Variants in MYO1C observed in about 807,000 individuals in gnomAD.
MYO1C encodes myosin IC.
MYO1C carries 104 observed loss-of-function variants against 150.8 expected under a neutral mutation model. That is an observed-to-expected ratio of 0.69 (90% CI 0.59 to 0.81). The LOEUF (loss-of-function observed/expected upper bound fraction) is 0.81. Ranked by LOEUF, MYO1C falls within the 30% of genes least tolerant of loss-of-function variation. The pLI, the probability that MYO1C is intolerant of heterozygous loss-of-function variation, is 0.00. For missense variants in MYO1C, 1,504 were observed against 1,435.0 expected (o/e 1.05, Z -0.78); for synonymous variants, 663 against 579.9 (o/e 1.14, Z -2.06).
At chr17:1,491,477 C>T in intron 1 of MYO1C, 1 of 284,362 alleles carries the variant, frequency 3.5e-6, no homozygotes, top group Non-Finnish European at 5.3e-6. Flanking sequence ...TCCACGCGGC[C>T]GTTCTTCGGC....
intron 19 of MYO1C, among the ~76,000 whole-genome samples, chr17:1,471,547 C>T (rs942860863): frequency 3.9e-5 from 6 of 152,278 alleles, no homozygotes; most frequent in Admixed American, 2.0e-4. Context: ...AGATGAAATT[C>T]AGTTTGACCC....
At chr17:1,485,061 G>T (rs1357855406) in intron 1 of MYO1C, 1 of 1,213,886 alleles carries the variant, frequency 8.2e-7, no homozygotes, top group Non-Finnish European at 1.1e-6. Flanking sequence ...CCAGCTGCTG[G>T]GCTCCCCAGG....
intron 1 of MYO1C, among the ~76,000 whole-genome samples, chr17:1,489,855 A>G (rs938707810): frequency 6.6e-6 from 1 of 151,816 alleles, no homozygotes; most frequent in African/African-American, 2.4e-5. Context: ...CCTGGCCCAC[A>G]TGGTGAAACC....
In MYO1C at chr17:1,479,470, T is replaced by C. The variant is rs1394148666; in HGVS notation, c.1053A>G (p.Glu351=). The change falls in exon 9 of 32, where the codon GAA becomes GAG. Residue 351 remains glutamate, a synonymous_variant. Transcript: ENST00000648651. This position sits in a 1 kb window ranked among gnomAD's most constrained non-coding sequence, Gnocchi z 4.2. ...CGATGATCTTCCTGTGTGTCAGGGC[T>C]TCTCGCAGCGTCGAGCCTTCCACGC... ...LLSVEGSTLR[E]ALTHRKIIAK... is the part of the protein sequence containing the mutation. The C allele has an allele frequency of 6.6e-7, 1 of 1,520,420 alleles. No individual in the cohort carries two copies. Among genetic ancestry groups the C allele is most frequent in the East Asian group, 2.4e-5 (1 of 41,450 alleles). The allele number at this position is 1,520,420 out of a possible 1,614,324, so 94.2% of individuals were successfully genotyped here. A position where few individuals can be genotyped will look rare whatever the true frequency, so the allele number is the denominator to read the frequency against.
At chr17:1,492,189 G>T (rs1598352669) in intron 1 of MYO1C, 1 of 581,432 alleles carries the variant, frequency 1.7e-6, no homozygotes. Context: ...GGGAAGCCGG[G>T]GAAGAGTCAA....
intron 1 of MYO1C, among the ~76,000 whole-genome samples, chr17:1,488,450 C>T (rs1388600120): frequency 6.6e-6 from 1 of 152,238 alleles, no homozygotes; most frequent in Non-Finnish European, 1.5e-5. Flanking sequence ...GAGGCTGCAG[C>T]GCCAGGCGCC....
Position 1,483,667 on chromosome 17 carries a change from C to T in MYO1C, c.290G>A (p.Ser97Asn). 1 of 1,613,340 alleles carries T rather than the reference C, an allele frequency of 6.2e-7. No individual in the cohort carries two copies. The highest frequency in any genetic ancestry group is 1.1e-5 in the South Asian group (1 of 90,886). ...VNPYRDLQIY[S>N]RQHMERYRGV... ...ACGGTAACGCTCCATATGCTGCCGG[C>T]TGTAGATCTGCAGGTCCCGGTAGGG... Residue 97 changes from serine to asparagine, a missense_variant, in exon 3 of 32, where the codon AGC (serine) becomes AAC (asparagine). By Grantham distance (46) the Ser-to-Asn change is conservative. Transcript: ENST00000648651.
Position 1,474,817 on chromosome 17 carries a change from T to C in MYO1C, c.1711A>G (p.Lys571Glu). ...KNNDLLFRNL[K>E]ETMCSSKNPI... is the part of the protein sequence containing the mutation. ...CCTCCCCACGTCCTCCTCACCTCCTTAAGGTTCCGGAAGAGAAGGTCATTG... is the reference window on the plus strand; with the variant it reads ...CCTCCCCACGTCCTCCTCACCTCCTCAAGGTTCCGGAAGAGAAGGTCATTG... Residue 571 changes from lysine to glutamate, a missense_variant, in exon 16 of 32, where the codon AAG becomes GAG. Physicochemically the swap from Lys to Glu is moderately conservative, Grantham distance 56. Transcript: ENST00000648651. The C allele has an allele frequency of 6.2e-7, 1 of 1,601,328 alleles. No individual in the cohort carries two copies. Among genetic ancestry groups the C allele is most frequent in the Non-Finnish European group, 8.6e-7 (1 of 1,169,558 alleles).
chr17:1,488,351 C>T (rs984413598), intron 1 of MYO1C, among the ~76,000 whole-genome samples: 2 of 152,344 alleles, frequency 1.3e-5, no homozygotes, highest in Middle Eastern at 3.4e-3. Context: ...GCACTGGCAA[C>T]CCCCGGCCTG....
Position 1,478,706 on chromosome 17 carries a change from G to C in MYO1C, c.1122C>G (p.Ala374=). 1 of 1,614,146 alleles carries C rather than the reference G, an allele frequency of 6.2e-7. No individual in the cohort carries two copies. The highest frequency in any genetic ancestry group is 8.5e-7 in the Non-Finnish European group (1 of 1,180,040). Residue 374 remains alanine, a synonymous_variant, in exon 10 of 32, where the codon GCC becomes GCG. Transcript: ENST00000648651. The surrounding 1 kb of genome is among the most constrained non-coding windows in gnomAD (Gnocchi z 6.3). ...ELLSPLNLEQ[A]AYARDALAKA... Reference sequence around the variant, plus strand: ...TGGCGAGGGCGTCTCGTGCGTACGCGGCCTGCTCCAGGTTCAGCGGGCTCA... The same window carrying C: ...TGGCGAGGGCGTCTCGTGCGTACGCCGCCTGCTCCAGGTTCAGCGGGCTCA...
chr17:1,470,173 A>G lies in MYO1C; in HGVS notation c.2526+2T>C. 6.2e-7 allele frequency: 1 copy of G among 1,608,246 alleles called. No homozygotes were observed. The highest frequency in any genetic ancestry group is 8.5e-7 in the Non-Finnish European group (1 of 1,177,898). On this transcript the variant is annotated splice_donor_variant, in intron 24 of 31. Transcript: ENST00000648651. LOFTEE classifies it high-confidence loss of function. ...CTAACTTGGCAGGGGGTGCCCACAG[A>G]CCTCACGCAGGGCAGGTGGGGGCGT...
At chr17:1,485,216 T>A (rs1241413524) in intron 1 of MYO1C, 3 of 1,176,050 alleles carry the variant, frequency 2.6e-6, no homozygotes, top group East Asian at 1.3e-4. Flanking sequence ...CTGAGATGGA[T>A]CCCTCTTCAA....
At chr17:1,491,104 C>T (rs1227905138) in intron 1 of MYO1C, 1 of 152,326 alleles carries the variant, frequency 6.6e-6, no homozygotes, top group Non-Finnish European at 1.5e-5. Flanking sequence ...TCAGTCACCC[C>T]TTCCCGGACC....
intron 25 of MYO1C, 168 bp downstream of exon 25, chr17:1,469,363 G>A (rs2074248951): frequency 4.5e-6 from 3 of 673,542 alleles, no homozygotes; most frequent in Non-Finnish European, 8.0e-6. Flanking sequence ...GGTAGACTGG[G>A]GTAAATAGAG....
chr17:1,467,530 C>G lies in MYO1C; in HGVS notation c.3015G>C (p.Lys1005Asn). Residue 1005 changes from lysine to asparagine, a missense_variant, in exon 30 of 32, where the codon AAG becomes AAC. Coordinates refer to ENST00000648651, the MANE Select transcript of MYO1C (RefSeq NM_001080779.2). ...QSDHVIETLT[K>N]TALSANRVNS... The stretch of plus-strand genomic sequence containing the variant: ...TCACGCGGTTGGCACTGAGGGCTGT[C>G]TTGGTCAGCGTCTCAATCACGTGGT... The G allele has an allele frequency of 6.2e-7, 1 of 1,613,680 alleles. No homozygotes were observed. The highest frequency in any genetic ancestry group is 8.5e-7 in the Non-Finnish European group (1 of 1,179,970).
chr17:1,467,034 AGGC>A (rs2074186863), intron 31 of MYO1C, among the ~76,000 whole-genome samples: 4 of 152,176 alleles, frequency 2.6e-5, no homozygotes, highest in African/African-American at 4.8e-5. Context: ...CTGGGATTAT[AGGC>A]ATGAGCCACC....
chr17:1,468,640 C>T, intron 25 of MYO1C, 144 bp from the exon 26 acceptor site: 2 of 675,848 alleles, frequency 3.0e-6, no homozygotes, highest in South Asian at 3.3e-5. Flanking sequence ...TGAGCCCTGC[C>T]CCCCACACGC....
chr17:1,484,908 C>G (rs1403125213), intron 1 of MYO1C: 1 of 393,278 alleles, frequency 2.5e-6, no homozygotes, highest in Non-Finnish European at 5.0e-6. Context: ...ACCGGTAGAG[C>G]GTCGAGCACC....
rs2074608144 is a variant in MYO1C at position 1,484,430 on chromosome 17, G to A, written c.76-127C>T. The A allele has an allele frequency of 5.0e-6, 6 of 1,193,720 alleles. No homozygotes were observed. In the African/African-American group the frequency reaches 6.0e-5, roughly 12 times the overall value. 73.9% of individuals were successfully genotyped at this position (1,193,720 alleles called of 1,614,324 possible). On this transcript the variant is annotated intron_variant, in intron 1 of 31. Coordinates refer to ENST00000648651, the MANE Select transcript of MYO1C (RefSeq NM_001080779.2). ...ACTCCGGGCTAGACACGGGACATGAGCATGACGGGTGCGGGGGGCCTGGGT... is the reference window on the plus strand; with the variant it reads ...ACTCCGGGCTAGACACGGGACATGAACATGACGGGTGCGGGGGGCCTGGGT...
Sources: gnomAD v4.1 joint callset for allele counts (sites outside exome capture counted in the v4.1 genomes callset) on GRCh38, gnomAD v4.1.1 for gene constraint, Gnocchi (gnomAD v3.1) non-coding constraint, MANE v1.5 for transcripts, NCBI Gene and HGNC (gene_info 2026-07-23, HGNC 2026-07-21) for gene names.